TPRG1: variants seen among roughly 807,000 people sequenced by gnomAD.
TPRG1 encodes the protein tumor protein p63-regulated gene 1 protein.
Under a neutral mutation model 29.3 loss-of-function variants are expected in TPRG1, and 29 were observed. The ratio of observed to expected loss-of-function variants is 0.99; its 90% CI spans 0.74 to 1.35. The LOEUF is 1.35. Among genes scored for constraint, TPRG1 ranks in the 40% most tolerant of loss-of-function variants. The pLI is 0.00. For synonymous variants in TPRG1, 130 were observed against 116.8 expected (o/e 1.11, Z -0.73); for missense variants, 327 against 335.0 (o/e 0.98, Z 0.19).
chr3:189,207,382 G>T lies in TPRG1; in HGVS notation c.-3G>T. 3 of 1,613,960 alleles carry T rather than the reference G, an allele frequency of 1.9e-6. No homozygotes were observed. Among genetic ancestry groups the T allele is most frequent in the Non-Finnish European group, 2.5e-6 (3 of 1,179,896 alleles). On this transcript the variant is annotated 5_prime_UTR_variant, in exon 2 of 6. Transcript: ENST00000345063. ...TTTTCTGCCCTTGGTTTAGGCTGAA[G>T]AAATGTCAACAATTGGGAGTTTTGA... is the stretch of plus-strand genomic sequence containing the variant.
intron 4 of TPRG1, among the ~76,000 whole-genome samples, chr3:189,025,201 A>T (rs1423574707): frequency 1.3e-5 from 2 of 152,002 alleles, no homozygotes; most frequent in Non-Finnish European, 2.9e-5. Context: ...TGTGTGTTGG[A>T]CCCAAGGCCC....
intron 3 of TPRG1, among the ~76,000 whole-genome samples, chr3:189,011,633 A>G (rs1006600610): frequency 6.6e-6 from 1 of 152,184 alleles, no homozygotes; most frequent in African/African-American, 2.4e-5. Flanking sequence ...TCATGAGAAG[A>G]GCATGGGAAA....
chr3:189,149,671 G>C (rs1040747714), intron 4 of TPRG1, among the ~76,000 whole-genome samples: 5 of 152,144 alleles, frequency 3.3e-5, no homozygotes, highest in African/African-American at 1.2e-4. Context: ...TCTTTCTCTT[G>C]TTCCTTGTCT....
chr3:189,150,358 T>G (rs180967939), intron 4 of TPRG1, among the ~76,000 whole-genome samples: 1 of 152,298 alleles, frequency 6.6e-6, no homozygotes, highest in Non-Finnish European at 1.5e-5. Flanking sequence ...AATTTTTGTA[T>G]TTTTAGTAGA....
intron 4 of TPRG1, among the ~76,000 whole-genome samples, chr3:189,285,516 G>A (rs1344025338): frequency 6.6e-6 from 1 of 152,200 alleles, no homozygotes; most frequent in East Asian, 1.9e-4. Context: ...ATAAAGCTAA[G>A]TAGATTTCTT....
chr3:189,125,390 A>G (rs1722333714), intron 1 of TPRG1, among the ~76,000 whole-genome samples: 2 of 152,176 alleles, frequency 1.3e-5, no homozygotes, highest in Admixed American at 1.3e-4. Flanking sequence ...TTACACAGTG[A>G]ATTTATAAAG....
At chr3:189,020,503 A>C (rs1713236359) in intron 3 of TPRG1, among the ~76,000 whole-genome samples, 2 of 151,484 alleles carry the variant, frequency 1.3e-5, no homozygotes, top group Admixed American at 1.3e-4. Context: ...GTAGTCATTC[A>C]GGAGCAGGTT....
At chr3:189,024,618 G>C (rs1332922674) in intron 4 of TPRG1, among the ~76,000 whole-genome samples, 1 of 152,184 alleles carries the variant, frequency 6.6e-6, no homozygotes. Flanking sequence ...AAAGCCTGCA[G>C]TCTGGAACAG....
chr3:189,240,608 A>G (rs925458508), intron 4 of TPRG1: 7 of 152,272 alleles, frequency 4.6e-5, no homozygotes, highest in Non-Finnish European at 1.0e-4. Flanking sequence ...TTTTAAAACC[A>G]TCAGACCTAA....
At chr3:189,269,605 G>GA (rs1009205593) in intron 4 of TPRG1, among the ~76,000 whole-genome samples, 110 of 150,188 alleles carry the variant, frequency 7.3e-4, no homozygotes, top group African/African-American at 1.8e-3. Context: ...ATTCATTGCA[G>GA]AAAAAAAAAC....
intron 4 of TPRG1, among the ~76,000 whole-genome samples, chr3:189,283,557 G>T (rs1297090083): frequency 1.3e-5 from 2 of 152,156 alleles, no homozygotes; most frequent in Non-Finnish European, 2.9e-5. Flanking sequence ...GGGTTTATTT[G>T]CTATGAAATT....
At chr3:189,235,526 G>A (rs1472484782) in intron 3 of TPRG1, among the ~76,000 whole-genome samples, 2 of 152,116 alleles carry the variant, frequency 1.3e-5, no homozygotes, top group Admixed American at 6.5e-5. Context: ...ATAACTGGAT[G>A]GAGGGAGGGT....
At chr3:189,291,475 A>G (rs893210101) in intron 4 of TPRG1, among the ~76,000 whole-genome samples, 7 of 152,218 alleles carry the variant, frequency 4.6e-5, no homozygotes, top group Non-Finnish European at 1.0e-4. Context: ...AAGGTGTTTG[A>G]AACTATGGTG....
At chr3:189,295,567 T>G (rs1225517334) in intron 4 of TPRG1, among the ~76,000 whole-genome samples, 1 of 149,570 alleles carries the variant, frequency 6.7e-6, no homozygotes, top group Admixed American at 6.7e-5. Flanking sequence ...AAGGAGTCGC[T>G]TTAATATTCA....
intron 3 of TPRG1, among the ~76,000 whole-genome samples, chr3:189,228,120 C>T (rs1738059663): frequency 6.6e-6 from 1 of 152,122 alleles, no homozygotes; most frequent in South Asian, 2.1e-4. Context: ...GACTCCATCT[C>T]AACAACAACA....
intron 1 of TPRG1, among the ~76,000 whole-genome samples, chr3:189,192,675 C>A (rs747638379): frequency 6.6e-6 from 1 of 152,090 alleles, no homozygotes; most frequent in African/African-American, 2.4e-5. Flanking sequence ...TTGTTTCTTT[C>A]ATTTTCTTTT....
chr3:189,215,241 C>T (rs769234662), intron 2 of TPRG1, 51 bp from the exon 3 acceptor site: 43 of 1,482,262 alleles, frequency 2.9e-5, no homozygotes, highest in Admixed American at 1.3e-4. Context: ...ATCATAAGCG[C>T]GAAGTGGGCT....
chr3:189,286,571 T>C (rs1177431143), intron 4 of TPRG1, among the ~76,000 whole-genome samples: 1 of 152,122 alleles, frequency 6.6e-6, no homozygotes, highest in African/African-American at 2.4e-5. Context: ...CAGATTCTCC[T>C]GCCTATGTAT....
In TPRG1 at chr3:189,238,885, C is replaced by A; in HGVS notation, c.455C>A (p.Thr152Asn). 2 of 1,612,920 alleles carry A rather than the reference C, an allele frequency of 1.2e-6. No individual in the cohort carries two copies. The highest frequency in any genetic ancestry group is 1.7e-6 in the Non-Finnish European group (2 of 1,179,266). Reference protein sequence around the residue: ...AVYRICLGKFTFPGMSLDKRQ... With the variant: ...AVYRICLGKFNFPGMSLDKRQ... ...TATCGCATCTGCCTGGGCAAGTTCA[C>A]CTTCCCTGGGATGTCCCTGGACAAG... Residue 152 changes from threonine (T) to asparagine (N), a missense_variant, in exon 4 of 6, where the codon ACC becomes AAC. Coordinates refer to ENST00000345063, the MANE Select transcript of TPRG1 (RefSeq NM_198485.4).
Sources: allele counts gnomAD v4.1 joint callset (sites outside exome capture counted in the v4.1 genomes callset), GRCh38; gene constraint gnomAD v4.1.1; transcripts MANE v1.5; gene names NCBI Gene and HGNC (gene_info 2026-07-23, HGNC 2026-07-21).